The following BTNL9 variants were observed in gnomAD, a reference collection of about 807,000 sequenced individuals.
BTNL9 encodes butyrophilin-like protein 9.
BTNL9 carries 45 observed loss-of-function variants against 45.8 expected under a neutral mutation model. That is an observed-to-expected ratio of 0.98 (90% CI 0.77 to 1.26). The LOEUF (loss-of-function observed/expected upper bound fraction) is 1.26. Ranked by LOEUF, BTNL9 falls within the 50% of genes most tolerant of loss-of-function variation. The pLI, the probability that BTNL9 is intolerant of heterozygous loss-of-function variation, is 0.00. For synonymous variants in BTNL9, 346 were observed against 330.8 expected (o/e 1.05, Z -0.50); for missense variants, 784 against 729.7 (o/e 1.07, Z -0.86).
chr5:181,048,786 TTATA>T (rs1291241394), intron 3 of BTNL9, among the ~76,000 whole-genome samples: 6 of 19,846 alleles, frequency 3.0e-4, no homozygotes, highest in Admixed American at 6.9e-4. Context: ...TATATATTAA[TTATA>T]TAGTTATATA....
chr5:181,042,391 T>G lies in BTNL9; in HGVS notation c.-24+1959T>G, dbSNP rs2113135718. Among the ~76,000 whole-genome samples the G allele has an allele frequency of 6.6e-6, 1 of 152,320 alleles. No homozygotes were observed. The highest frequency in any genetic ancestry group is 1.9e-4 in the East Asian group (1 of 5,190). On this transcript the variant is annotated intron_variant, in intron 1 of 10. Coordinates refer to ENST00000327705, the MANE Select transcript of BTNL9 (RefSeq NM_152547.5). The surrounding 1 kb of genome is among the most constrained non-coding windows in gnomAD (Gnocchi z 4.5). Reference sequence around the variant, plus strand: ...CAAAACCTCCTCACCAGGAACAACCTGAAATCAATTTACACTGTAATCAAA... The same window carrying G: ...CAAAACCTCCTCACCAGGAACAACCGGAAATCAATTTACACTGTAATCAAA...
intron 1 of BTNL9, among the ~76,000 whole-genome samples, chr5:181,040,763 A>G (rs1760736304): frequency 6.6e-6 from 1 of 152,130 alleles, no homozygotes; most frequent in African/African-American, 2.4e-5. Context: ...ACCTATCGAA[A>G]TCAAACCAGC....
intron 9 of BTNL9, among the ~76,000 whole-genome samples, chr5:181,058,017 G>C (rs143249335): frequency 6.6e-6 from 1 of 152,164 alleles, no homozygotes; most frequent in Non-Finnish European, 1.5e-5. Context: ...ACAGCCTGGC[G>C]GGTCAGAGGC....
chr5:181,046,721 G>C (rs1761191985), intron 2 of BTNL9, among the ~76,000 whole-genome samples: 1 of 152,072 alleles, frequency 6.6e-6, no homozygotes, highest in African/African-American at 2.4e-5. Flanking sequence ...GAGAGAGAGA[G>C]AGAGAGAATT....
Position 181,059,476 on chromosome 5 carries a change from G to GC in BTNL9, c.1223dup (p.Pro410AlafsTer99). The GC allele has an allele frequency of 1.4e-6, 2 of 1,453,936 alleles. No homozygotes were observed. Among genetic ancestry groups the GC allele is most frequent in the South Asian group, 2.8e-5 (2 of 71,324 alleles). 90.1% of individuals were successfully genotyped at this position (1,453,936 alleles called of 1,614,324 possible). ...CGCCTGCCTGGCCGCGGTGCCGCGC[G>GC]CGGGGCCTGCGCGCCTGAGCCCTGC... is the stretch of plus-strand genomic sequence containing the variant. On this transcript the variant is annotated frameshift_variant, in exon 11 of 11. Transcript: ENST00000327705. LOFTEE classifies it low-confidence loss of function (END_TRUNC).
chr5:181,056,744 G>A (rs568711462), intron 9 of BTNL9: 33 of 612,956 alleles, frequency 5.4e-5, no homozygotes, highest in Admixed American at 1.1e-4. Flanking sequence ...AGGCAGTGTC[G>A]TTATCCTGCC....
At chr5:181,054,990 G>T (rs1761800088) in intron 7 of BTNL9, 1 of 985,318 alleles carries the variant, frequency 1.0e-6, no homozygotes, top group Non-Finnish European at 1.2e-6. Flanking sequence ...TGGAGTCCTT[G>T]GTAATTATTT....
chr5:181,054,160 C>A, intron 6 of BTNL9, 79 bp from the exon 7 acceptor site: 1 of 1,598,730 alleles, frequency 6.3e-7, no homozygotes, highest in South Asian at 1.1e-5. Context: ...CAGTGTTCAC[C>A]CATCTGTTCT....
intron 1 of BTNL9, among the ~76,000 whole-genome samples, chr5:181,041,624 AAG>A (rs1489518589): frequency 6.6e-6 from 1 of 152,216 alleles, no homozygotes; most frequent in African/African-American, 2.4e-5. Flanking sequence ...AGTGATTTTT[AAG>A]AGTCACTGAT....
Position 181,059,219 on chromosome 5 carries a change from C to T in BTNL9, c.983-18C>T, listed in dbSNP as rs749254476. On this transcript the variant is annotated intron_variant, in intron 10 of 10. Coordinates refer to ENST00000327705, the MANE Select transcript of BTNL9 (RefSeq NM_152547.5). The stretch of plus-strand genomic sequence containing the variant: ...CCAGACCGTCCCGGGCGGGCACTAA[C>T]GCTGTGGCTCTGCGCAGTGGATGTG... The T allele has an allele frequency of 6.4e-5, 97 of 1,519,274 alleles. 1 individual carries two copies. The South Asian group carries it at 1.1e-3, about 18-fold the overall frequency. 94.1% of individuals were successfully genotyped at this position (1,519,274 alleles called of 1,614,324 possible). A position where few individuals can be genotyped will look rare whatever the true frequency, so the allele number is the denominator to read the frequency against.
At position 181,059,453 on chromosome 5, in the gene BTNL9, C is replaced by T. The variant is rs1388076388; in HGVS notation, c.1199C>T (p.Ala400Val). ...VGRRSRWFLGACLAAVPRAGP... is the reference protein window; with the variant it reads ...VGRRSRWFLGVCLAAVPRAGP... ...CGCCGCAGCCGCTGGTTCCTGGGCG[C>T]CTGCCTGGCCGCGGTGCCGCGCGCG... Residue 400 changes from alanine (A) to valine (V), a missense_variant, in exon 11 of 11, where the codon GCC (alanine) becomes GTC (valine). Physicochemically the swap from Ala to Val is moderately conservative, Grantham distance 64 (BLOSUM62 0). Coordinates refer to ENST00000327705, the MANE Select transcript of BTNL9 (RefSeq NM_152547.5). 1.3e-5 allele frequency: 19 copies of T among 1,454,416 alleles called. No individual in the cohort carries two copies. The South Asian group carries it at 1.8e-4, about 14-fold the overall frequency. 90.1% of individuals were successfully genotyped at this position (1,454,416 alleles called of 1,614,324 possible). A position where few individuals can be genotyped will look rare whatever the true frequency, so the allele number is the denominator to read the frequency against.
At chr5:181,040,721 TA>T (rs1319038322) in intron 1 of BTNL9, among the ~76,000 whole-genome samples, 1 of 152,154 alleles carries the variant, frequency 6.6e-6, no homozygotes, top group African/African-American at 2.4e-5. Flanking sequence ...CCATCTTCCT[TA>T]GAGACTAAGA....
chr5:181,055,062 G>C lies in BTNL9; in HGVS notation c.908-371G>C. 2.8e-6 allele frequency: 3 copies of C among 1,072,470 alleles called. No homozygotes were observed. The highest frequency in any genetic ancestry group is 3.4e-6 in the Non-Finnish European group (3 of 885,796). 66.4% of individuals were successfully genotyped at this position (1,072,470 alleles called of 1,614,324 possible). ...CAGATAACGCACCCGGTGAGTGACC[G>C]TGAGGCTCACGTAGGCGGCCCTCAG... On this transcript the variant is annotated intron_variant, in intron 7 of 10. Transcript: ENST00000327705. The surrounding 1 kb of genome is among the most constrained non-coding windows in gnomAD (Gnocchi z 4.4).
intron 9 of BTNL9, 43 bp downstream of exon 9, chr5:181,056,058 C>T: frequency 6.2e-7 from 1 of 1,608,646 alleles, no homozygotes. Flanking sequence ...TCATTTATAT[C>T]TGAGCACCCC....
rs1762080577 is a variant in BTNL9, at chr5:181,059,791, C to G, written c.1537C>G (p.Pro513Ala). ...CPLPVRGTGV[P>A]EENDSDTWLQ... ...GCTGCCGGTTAGAGGGACGGGCGTC[C>G]CCGAAGAGAACGACAGTGACACCTG... Residue 513 changes from proline to alanine, a missense_variant, in exon 11 of 11, where the codon CCC becomes GCC. By Grantham distance (27) the Pro-to-Ala change is conservative. Coordinates refer to ENST00000327705, the MANE Select transcript of BTNL9 (RefSeq NM_152547.5). 1 of 1,605,136 alleles carries G rather than the reference C, an allele frequency of 6.2e-7. No homozygotes were observed. The highest frequency in any genetic ancestry group is 8.5e-7 in the Non-Finnish European group (1 of 1,179,032).
Position 181,053,365 on chromosome 5 carries a change from C to T in BTNL9, c.853+49C>T, listed in dbSNP as rs7727802. On this transcript the variant is annotated intron_variant, in intron 5 of 10. Coordinates refer to ENST00000327705, the MANE Select transcript of BTNL9 (RefSeq NM_152547.5). The surrounding 1 kb of genome is among the most constrained non-coding windows in gnomAD (Gnocchi z 6.5). The stretch of plus-strand genomic sequence containing the variant: ...GGGAGGGGCACCGGCCGGTGCTGAA[C>T]CCCGGGGCCGCGGAGGCGCCTCCCC... 95,167 of 1,518,582 alleles carry T rather than the reference C, an allele frequency of 0.063. 5,676 individuals are homozygous for T. The highest frequency in any genetic ancestry group is 0.31 in the African/African-American group (22,023 of 71,732). The allele number at this position is 1,518,582 out of a possible 1,614,324, so 94.1% of individuals were successfully genotyped here. A position where few individuals can be genotyped will look rare whatever the true frequency, so the allele number is the denominator to read the frequency against.
Position 181,053,726 on chromosome 5 carries a change from A to G in BTNL9, c.886+225A>G. 6.6e-7 allele frequency: 1 copy of G among 1,513,492 alleles called. No homozygotes were observed. The highest frequency in any genetic ancestry group is 8.8e-7 in the Non-Finnish European group (1 of 1,130,260). 93.8% of individuals were successfully genotyped at this position (1,513,492 alleles called of 1,614,324 possible). On this transcript the variant is annotated intron_variant, in intron 6 of 10. Coordinates refer to ENST00000327705, the MANE Select transcript of BTNL9 (RefSeq NM_152547.5). The surrounding 1 kb of genome is among the most constrained non-coding windows in gnomAD (Gnocchi z 6.5). ...ATTTTCCACGGAGGCTAGTGCACAG[A>G]TGTCAGGGTTGACCGGCTGCTGTCG...
At chr5:181,043,062 T>C (rs1236708470) in intron 1 of BTNL9, among the ~76,000 whole-genome samples, 1 of 152,144 alleles carries the variant, frequency 6.6e-6, no homozygotes, top group African/African-American at 2.4e-5. Context: ...GGCCTCCGTT[T>C]CCTTATCTAT....
chr5:181,056,852 T>C (rs1006652784), intron 9 of BTNL9: 4 of 490,288 alleles, frequency 8.2e-6, no homozygotes, highest in African/African-American at 3.9e-5. Flanking sequence ...CATTGTTCTT[T>C]AGGTTTGCAA....
Sources: gnomAD v4.1 joint callset for allele counts (sites outside exome capture counted in the v4.1 genomes callset) on GRCh38, gnomAD v4.1.1 for gene constraint, Gnocchi (gnomAD v3.1) non-coding constraint, MANE v1.5 for transcripts, NCBI Gene and HGNC (gene_info 2026-07-23, HGNC 2026-07-21) for gene names.